The following TTC27 variants were observed in gnomAD, a reference collection of about 807,000 sequenced individuals.
The protein encoded by TTC27 is tetratricopeptide repeat protein 27.
A neutral mutation model predicts 115.9 loss-of-function variants in TTC27; 79 were observed. The ratio of observed to expected loss-of-function variants is 0.68; its 90% confidence interval spans 0.57 to 0.82. The LOEUF (loss-of-function observed/expected upper bound fraction) is 0.82. TTC27 is among the 40% of genes least tolerant of loss of function. TTC27 has a pLI of 0.00. For missense variants in TTC27, 1,054 were observed against 993.1 expected, an observed-to-expected ratio of 1.06 and a Z score of -0.82; for synonymous variants, 401 against 356.0, an observed-to-expected ratio of 1.13 and a Z score of -1.42.
chr2:32,749,776 G>T (rs1024150021), intron 12 of TTC27, among the ~76,000 whole-genome samples: 1 of 152,130 alleles, frequency 6.6e-6, no homozygotes, highest in South Asian at 2.1e-4. Flanking sequence ...TCAAAAATGG[G>T]CATGTTAATA....
At chr2:32,632,933 G>A (rs182416217) in intron 2 of TTC27, among the ~76,000 whole-genome samples, 318 of 152,252 alleles carry the variant, frequency 2.1e-3, no homozygotes, top group African/African-American at 7.3e-3. Flanking sequence ...GATATGCAAA[G>A]CCTAAAATAT....
At chr2:32,678,489 G>C (rs972422286) in intron 8 of TTC27, among the ~76,000 whole-genome samples, 1 of 151,478 alleles carries the variant, frequency 6.6e-6, no homozygotes, top group African/African-American at 2.4e-5. Flanking sequence ...GTGCAGTGTC[G>C]CGATCTCGGC....
At chr2:32,642,024 C>A (rs1366009116) in intron 4 of TTC27, among the ~76,000 whole-genome samples, 1 of 151,584 alleles carries the variant, frequency 6.6e-6, no homozygotes, top group Non-Finnish European at 1.5e-5. Context: ...CATGGCTCAT[C>A]TTTTGTATTT....
chr2:32,740,479 C>G (rs1302565907), intron 12 of TTC27, among the ~76,000 whole-genome samples: 1 of 143,084 alleles, frequency 7.0e-6, no homozygotes, highest in Non-Finnish European at 1.5e-5. Context: ...CATAGAGATT[C>G]TTTATACAGT....
At chr2:32,636,144 C>A (rs1559180051) in intron 3 of TTC27, among the ~76,000 whole-genome samples, 1 of 152,150 alleles carries the variant, frequency 6.6e-6, no homozygotes, top group Non-Finnish European at 1.5e-5. Flanking sequence ...GATTAGAAAT[C>A]CACCAAACAG....
At chr2:32,736,614 A>G in intron 11 of TTC27, 80 bp from the exon 12 acceptor site, 1 of 1,536,872 alleles carries the variant, frequency 6.5e-7, no homozygotes. Flanking sequence ...CTAAAAAGGC[A>G]GATTAGGTAC....
chr2:32,747,598 C>T (rs1192674611), intron 12 of TTC27, among the ~76,000 whole-genome samples: 2 of 152,140 alleles, frequency 1.3e-5, no homozygotes, highest in Non-Finnish European at 2.9e-5. Context: ...GTCAGACCAT[C>T]GTTAAGTTGG....
intron 10 of TTC27, among the ~76,000 whole-genome samples, chr2:32,731,937 G>A (rs1668304905): frequency 1.3e-5 from 2 of 151,922 alleles, no homozygotes; most frequent in Admixed American, 1.3e-4. Context: ...AGTAACTATA[G>A]CCAACAACCA....
chr2:32,679,014 C>G, intron 9 of TTC27, 92 bp downstream of exon 9: 1 of 1,062,916 alleles, frequency 9.4e-7, no homozygotes, highest in Non-Finnish European at 1.4e-6. Flanking sequence ...TATGTTGAAA[C>G]ACTGCCACCT....
intron 5 of TTC27, among the ~76,000 whole-genome samples, chr2:32,658,903 A>T (rs1242221529): frequency 6.6e-6 from 1 of 152,172 alleles, no homozygotes; most frequent in Non-Finnish European, 1.5e-5. Flanking sequence ...CCAAGCCAAT[A>T]TTCACTTATT....
At position 32,755,654 on chromosome 2, in the gene TTC27, G is replaced by A. The variant is rs145731960; in HGVS notation, c.1453-2638G>A. Among the ~76,000 whole-genome samples, 930 of 152,172 alleles carry A rather than the reference G, an allele frequency of 6.1e-3. 14 individuals carry two copies. Among genetic ancestry groups the A allele is most frequent in the African/African-American group, 0.021 (883 of 41,528 alleles). The stretch of plus-strand genomic sequence containing the variant: ...CGGAGAGGGAGAGGGAGAGGGAGCC[G>A]GAGCCATTCTACATTCTAATTCAGC... On this transcript the variant is annotated intron_variant, in intron 12 of 19. Coordinates refer to ENST00000317907, the MANE Select transcript of TTC27 (RefSeq NM_017735.5).
intron 8 of TTC27, among the ~76,000 whole-genome samples, chr2:32,676,781 G>A (rs1424105776): frequency 2.0e-5 from 3 of 151,710 alleles, no homozygotes; most frequent in Admixed American, 6.6e-5. Context: ...TAGCCACTGC[G>A]CCTAGCCTCT....
intron 5 of TTC27, among the ~76,000 whole-genome samples, chr2:32,651,022 A>G (rs1665102304): frequency 6.6e-6 from 1 of 152,190 alleles, no homozygotes; most frequent in Non-Finnish European, 1.5e-5. Flanking sequence ...ACACAAAACA[A>G]AAACAAAAAC....
intron 3 of TTC27, among the ~76,000 whole-genome samples, chr2:32,635,788 T>C (rs1046013592): frequency 2.0e-4 from 30 of 152,166 alleles, no homozygotes; most frequent in Non-Finnish European, 2.8e-4. Flanking sequence ...AGAGAAGAAG[T>C]GCAAAAACAA....
intron 8 of TTC27, among the ~76,000 whole-genome samples, chr2:32,674,024 T>C (rs1002317184): frequency 6.6e-6 from 1 of 152,112 alleles, no homozygotes; most frequent in African/African-American, 2.4e-5. Flanking sequence ...TTAGACTAAA[T>C]GAATATCCCA....
intron 13 of TTC27, among the ~76,000 whole-genome samples, chr2:32,764,043 C>T (rs1030851767): frequency 5.3e-5 from 8 of 152,162 alleles, no homozygotes; most frequent in Non-Finnish European, 1.0e-4. Context: ...GCTATCAAGC[C>T]AGTACGTTTA....
At chr2:32,777,739 A>C in intron 13 of TTC27, 143 bp from the exon 14 acceptor site, 2 of 733,734 alleles carry the variant, frequency 2.7e-6, no homozygotes, top group East Asian at 5.5e-5. Flanking sequence ...TCTACATTTA[A>C]ACTAAATGTA....
At chr2:32,660,254 C>T (rs1665488690) in intron 5 of TTC27, among the ~76,000 whole-genome samples, 1 of 152,148 alleles carries the variant, frequency 6.6e-6, no homozygotes, top group African/African-American at 2.4e-5. Context: ...ATTTGCATTT[C>T]TCTAATGACC....
At position 32,682,844 on chromosome 2, in the gene TTC27, G is replaced by GTTTTTTTTTTTTTTTTTTTTTTTTTTT. The variant is rs142030247; in HGVS notation, c.1119+3924_1119+3925insTTTTTTTTTTTTTTTTTTTTTTTTTTT. Among the ~76,000 whole-genome samples, 4 of 56,986 alleles carry GTTTTTTTTTTTTTTTTTTTTTTTTTTT rather than the reference G, an allele frequency of 7.0e-5. 1 individual carries two copies. The highest frequency in any genetic ancestry group is 9.0e-5 in the Non-Finnish European group (3 of 33,228). 37.4% of individuals were successfully genotyped at this position (56,986 alleles called of 152,430 possible). ...CCACCACACCCGGATAATTTTTATTGTTGTTTTTTTTTTTTTTTTTTTTTT... is the reference window on the plus strand; with the variant it reads ...CCACCACACCCGGATAATTTTTATTGTTTTTTTTTTTTTTTTTTTTTTTTTTTTTGTTTTTTTTTTTTTTTTTTTTTT... On this transcript the variant is annotated intron_variant, in intron 9 of 19. Coordinates refer to ENST00000317907, the MANE Select transcript of TTC27 (RefSeq NM_017735.5).
Sources: allele counts gnomAD v4.1 joint callset (sites outside exome capture counted in the v4.1 genomes callset), GRCh38; gene constraint gnomAD v4.1.1; transcripts MANE v1.5; gene names NCBI Gene and HGNC (gene_info 2026-07-23, HGNC 2026-07-21).